EPHX4: variants seen among roughly 807,000 people sequenced by gnomAD.
EPHX4 encodes the protein abhydrolase domain containing 7.
Under a neutral mutation model 44.9 loss-of-function variants are expected in EPHX4, and 31 were observed. The ratio of observed to expected loss-of-function variants is 0.69; its 90% CI spans 0.52 to 0.93. EPHX4 has a LOEUF of 0.93. Among genes scored for constraint, EPHX4 ranks in the 40% least tolerant of loss-of-function variants. The pLI is 0.00. For synonymous variants in EPHX4, 151 were observed against 159.7 expected (o/e 0.95, Z 0.41); for missense variants, 373 against 438.1 (o/e 0.85, Z 1.33).
intron 6 of EPHX4, among the ~76,000 whole-genome samples, chr1:92,058,873 A>G (rs1647430454): frequency 1.3e-5 from 2 of 152,190 alleles, no homozygotes; most frequent in African/African-American, 2.4e-5. Flanking sequence ...TTGTATTTCC[A>G]TGGGAAACTT....
intron 2 of EPHX4, among the ~76,000 whole-genome samples, chr1:92,039,900 C>T (rs1305127282): frequency 6.6e-6 from 1 of 152,196 alleles, no homozygotes; most frequent in Non-Finnish European, 1.5e-5. Context: ...GCCATCCGCC[C>T]ACTTTGGCCT....
intron 6 of EPHX4, among the ~76,000 whole-genome samples, chr1:92,061,841 A>G (rs981181547): frequency 3.3e-5 from 5 of 152,222 alleles, no homozygotes; most frequent in African/African-American, 9.7e-5. Context: ...TGCATAGAAA[A>G]TGCCAAAATA....
At chr1:92,030,839 A>T (rs1220800492) in intron 1 of EPHX4, among the ~76,000 whole-genome samples, 2 of 152,326 alleles carry the variant, frequency 1.3e-5, no homozygotes, top group East Asian at 3.9e-4. Context: ...GCATGAAACA[A>T]TAAGTAAATT....
rs6663816 is a variant in EPHX4 at position 92,043,116 on chromosome 1, T to G, written c.475+136T>G. Reference sequence around the variant, plus strand: ...CTGGATCCTGTCACTATGGTTTCAGTTAGTCAGCCCAAAATATCTGTACAG... The same window carrying G: ...CTGGATCCTGTCACTATGGTTTCAGGTAGTCAGCCCAAAATATCTGTACAG... On this transcript the variant is annotated intron_variant, in intron 3 of 6. Transcript: ENST00000370383. 0.48 allele frequency: 332,755 copies of G among 692,986 alleles called. 80,600 individuals are homozygous for G. The highest frequency in any genetic ancestry group is 0.64 in the African/African-American group (35,132 of 55,316). 42.9% of individuals were successfully genotyped at this position (692,986 alleles called of 1,614,324 possible). A position where few individuals can be genotyped will look rare whatever the true frequency, so the allele number is the denominator to read the frequency against.
chr1:92,062,509 C>T (rs1395591829), intron 6 of EPHX4, among the ~76,000 whole-genome samples: 6 of 142,000 alleles, frequency 4.2e-5, no homozygotes, highest in East Asian at 2.2e-4. Context: ...CATTTGAACC[C>T]GGAGGGTGGA....
intron 6 of EPHX4, among the ~76,000 whole-genome samples, chr1:92,058,211 G>C (rs1332751287): frequency 6.6e-6 from 1 of 152,138 alleles, no homozygotes; most frequent in Non-Finnish European, 1.5e-5. Flanking sequence ...GAAGGCCGAG[G>C]TGGGTGGATC....
chr1:92,045,564 T>G lies in EPHX4; in HGVS notation c.508T>G (p.Trp170Gly). The stretch of plus-strand genomic sequence containing the variant: ...CAAATGTGTTCTTATTGGCCATGAC[T>G]GGGGGGGCATGATTGCTTGGCTAAT... ...YSKCVLIGHDWGGMIAWLIAI... is the reference protein window; with the variant it reads ...YSKCVLIGHDGGGMIAWLIAI... The change falls in exon 4 of 7, where the codon TGG becomes GGG. Residue 170 changes from tryptophan (W) to glycine (G), a missense_variant. Physicochemically the swap from Trp to Gly is radical, Grantham distance 184. Transcript: ENST00000370383. 6.2e-7 allele frequency: 1 copy of G among 1,613,870 alleles called. No homozygotes were observed. Among genetic ancestry groups the G allele is most frequent in the Non-Finnish European group, 8.5e-7 (1 of 1,179,912 alleles).
At chr1:92,046,069 CT>C (rs1333054055) in intron 4 of EPHX4, among the ~76,000 whole-genome samples, 2 of 152,118 alleles carry the variant, frequency 1.3e-5, no homozygotes, top group African/African-American at 4.8e-5. Flanking sequence ...TCTATATGCT[CT>C]TAAAATTATT....
At chr1:92,034,766 C>G (rs536268479) in intron 2 of EPHX4, among the ~76,000 whole-genome samples, 2 of 151,940 alleles carry the variant, frequency 1.3e-5, no homozygotes, top group East Asian at 1.9e-4. Context: ...CTCAGCCTCC[C>G]AAGTAGCTGG....
rs1414758396 is a variant in EPHX4, at chr1:92,030,497, A to T, written c.231+187A>T. On this transcript the variant is annotated intron_variant, in intron 1 of 6. Transcript: ENST00000370383. ...GTGTGTGTGTGTGTGAGAGAGAGAG[A>T]GAGAGAGAGAGATACAGATAAACAG... Among the ~76,000 whole-genome samples, 190 of 35,906 alleles carry T rather than the reference A, an allele frequency of 5.3e-3. 1 individual carries two copies. The highest frequency in any genetic ancestry group is 8.7e-3 in the African/African-American group (113 of 12,988). 23.6% of individuals were successfully genotyped at this position (35,906 alleles called of 152,430 possible).
chr1:92,052,284 G>A (rs2101873689), intron 5 of EPHX4, among the ~76,000 whole-genome samples: 1 of 152,212 alleles, frequency 6.6e-6, no homozygotes. Flanking sequence ...TTATAAAAAT[G>A]CAGTGTGCAG....
intron 3 of EPHX4, 23 bp downstream of exon 3, chr1:92,043,003 A>C (rs370315854): frequency 3.2e-6 from 5 of 1,552,838 alleles, no homozygotes; most frequent in Non-Finnish European, 4.4e-6. Flanking sequence ...GAAACAAAAC[A>C]ACTCTTTTTA....
intron 3 of EPHX4, chr1:92,043,848 G>A (rs1688547065): frequency 6.6e-6 from 1 of 152,170 alleles, no homozygotes; most frequent in Admixed American, 6.6e-5. Flanking sequence ...TCCTGGCGAT[G>A]GTAGAGGGTG....
intron 2 of EPHX4, among the ~76,000 whole-genome samples, chr1:92,034,645 C>CTTTTTT (rs55868882): frequency 6.8e-6 from 1 of 146,156 alleles, no homozygotes; most frequent in South Asian, 2.1e-4. Context: ...TAAGACGCTT[C>CTTTTTT]TTTTTTTTTT....
In EPHX4 at chr1:92,047,955, T is replaced by C. The variant is rs12736329; in HGVS notation, c.604+2295T>C. 4.1e-3 allele frequency among the ~76,000 whole-genome samples: 620 copies of C among 152,320 alleles called. 4 individuals carry two copies. The highest frequency in any genetic ancestry group is 0.016 in the South Asian group (76 of 4,822). On this transcript the variant is annotated intron_variant, in intron 4 of 6. Transcript: ENST00000370383. ...ATAGTGATTAAAGACCTGTGAACCA[T>C]GGCCGGGCACATTTTTATTTGGTTT...
intron 5 of EPHX4, 50 bp downstream of exon 5, chr1:92,050,470 A>G: frequency 1.0e-6 from 1 of 993,354 alleles, no homozygotes; most frequent in African/African-American, 1.7e-5. Flanking sequence ...TTATTAATGA[A>G]AAATATTTTA....
chr1:92,051,246 T>C (rs1257226026), intron 5 of EPHX4, among the ~76,000 whole-genome samples: 1 of 150,290 alleles, frequency 6.7e-6, no homozygotes, highest in East Asian at 1.9e-4. Flanking sequence ...GGATAAGAAC[T>C]TAAAAAAAAA....
At chr1:92,040,875 C>T (rs6697441) in intron 2 of EPHX4, among the ~76,000 whole-genome samples, 42,147 of 151,874 alleles carry the variant, frequency 0.28, 6,716 homozygotes, top group African/African-American at 0.44. Context: ...CATTCAGTTG[C>T]GTTAGCTTGC....
intron 6 of EPHX4, among the ~76,000 whole-genome samples, chr1:92,053,177 G>A (rs1357568501): frequency 6.6e-6 from 1 of 152,176 alleles, no homozygotes; most frequent in Non-Finnish European, 1.5e-5. Flanking sequence ...AGGAAATAAT[G>A]TTAGACCAAA....
Sources: allele counts gnomAD v4.1 joint callset (sites outside exome capture counted in the v4.1 genomes callset), GRCh38; gene constraint gnomAD v4.1.1; transcripts MANE v1.5; gene names NCBI Gene and HGNC (gene_info 2026-07-23, HGNC 2026-07-21).